RERE: variants seen among roughly 807,000 people sequenced by gnomAD.
The protein encoded by RERE is arginine-glutamic acid dipeptide repeats protein.
In RERE, 40 loss-of-function variants were observed where a neutral mutation model predicts 146.1. That is an observed-to-expected ratio of 0.27 (90% CI 0.21 to 0.36). RERE has a LOEUF of 0.36. Among genes scored for constraint, RERE ranks in the 10% least tolerant of loss-of-function variants. The probability of loss-of-function intolerance (pLI) is 1.00; values close to 1 mark genes in which losing one functional copy is unlikely to be tolerated. For missense variants in RERE, 1,933 were observed against 2,138.7 expected, an observed-to-expected ratio of 0.90 and a Z score of 1.90; for synonymous variants, 1,003 against 866.0, an observed-to-expected ratio of 1.16 and a Z score of -2.78.
At chr1:8,422,355 G>A (rs1643922085) in intron 12 of RERE, among the ~76,000 whole-genome samples, 1 of 152,162 alleles carries the variant, frequency 6.6e-6, no homozygotes, top group South Asian at 2.1e-4. Flanking sequence ...GATGATTTCT[G>A]CCAATTACCA....
intron 10 of RERE, among the ~76,000 whole-genome samples, chr1:8,475,858 G>C (rs946289218): frequency 5.3e-5 from 8 of 152,102 alleles, no homozygotes; most frequent in African/African-American, 1.2e-4. Context: ...ATTTTTATTT[G>C]GCCATTATCA....
intron 11 of RERE, among the ~76,000 whole-genome samples, chr1:8,455,004 AC>A (rs1176902875): frequency 6.6e-6 from 1 of 151,592 alleles, no homozygotes; most frequent in Admixed American, 6.6e-5. Context: ...CCACCAACCC[AC>A]CCCAAAAATG....
Position 8,503,940 on chromosome 1 carries a change from T to TG in RERE, c.879+4686dup, listed in dbSNP as rs1645215445. ...TGAAGCAAATAAGTAATTTTGTTGG[T>TG]GTCATTAAAAAATGGGATTTGAGTC... On this transcript the variant is annotated intron_variant, in intron 8 of 22. Coordinates refer to ENST00000400908, the MANE Select transcript of RERE (RefSeq NM_001042681.2). Among the ~76,000 whole-genome samples the TG allele has an allele frequency of 2.6e-5, 4 of 152,224 alleles. No homozygotes were observed. The South Asian group carries it at 6.2e-4, about 24-fold the overall frequency.
chr1:8,592,952 T>C (rs1646512792), intron 4 of RERE, among the ~76,000 whole-genome samples: 1 of 152,208 alleles, frequency 6.6e-6, no homozygotes, highest in African/African-American at 2.4e-5. Flanking sequence ...GTTTTGGTAT[T>C]CTTCACATGT....
intron 12 of RERE, among the ~76,000 whole-genome samples, chr1:8,404,424 AAAAC>A (rs1435191605): frequency 6.6e-5 from 10 of 151,940 alleles, no homozygotes; most frequent in African/African-American, 1.2e-4. Flanking sequence ...TCTCAAAAAA[AAAAC>A]AAACAAACAA....
chr1:8,368,930 T>C (rs1002460900), intron 12 of RERE, among the ~76,000 whole-genome samples: 2 of 150,846 alleles, frequency 1.3e-5, no homozygotes, highest in African/African-American at 4.9e-5. Flanking sequence ...CTGGGCATGG[T>C]GGTGTGCACC....
intron 12 of RERE, among the ~76,000 whole-genome samples, chr1:8,372,810 G>A (rs1642092805): frequency 6.6e-6 from 1 of 152,184 alleles, no homozygotes; most frequent in Non-Finnish European, 1.5e-5. Context: ...CGTCACATAT[G>A]CCCAGGCTCT....
chr1:8,725,119 TACTC>T (rs1395198149), intron 1 of RERE, among the ~76,000 whole-genome samples: 2 of 152,186 alleles, frequency 1.3e-5, no homozygotes, highest in Non-Finnish European at 1.5e-5. Context: ...GTAAACCTAA[TACTC>T]AATAACAATA....
At chr1:8,601,017 C>CTTTTTTTTTTTT (rs34455445) in intron 4 of RERE, among the ~76,000 whole-genome samples, 1 of 95,072 alleles carries the variant, frequency 1.1e-5, no homozygotes, top group Non-Finnish European at 1.9e-5. Context: ...GTCTCCCAAA[C>CTTTTTTTTTTTT]TTTTTTTTTT....
At chr1:8,553,344 GC>G (rs1196400267) in intron 6 of RERE, among the ~76,000 whole-genome samples, 1 of 151,530 alleles carries the variant, frequency 6.6e-6, no homozygotes, top group East Asian at 1.9e-4. Context: ...GCACCACTAG[GC>G]CAGCACATCC....
intron 1 of RERE, among the ~76,000 whole-genome samples, chr1:8,663,192 G>A (rs1352048594): frequency 6.6e-6 from 1 of 151,890 alleles, no homozygotes; most frequent in African/African-American, 2.4e-5. Context: ...TTTCCTCTTG[G>A]GTCATGTAAA....
At chr1:8,551,083 C>T (rs1435952071) in intron 6 of RERE, among the ~76,000 whole-genome samples, 1 of 152,156 alleles carries the variant, frequency 6.6e-6, no homozygotes, top group Non-Finnish European at 1.5e-5. Context: ...ATAGGAGCCC[C>T]TGGGTAAAAT....
chr1:8,503,131 A>AGAAGACATACATGTGGAC (rs1645203690), intron 8 of RERE, among the ~76,000 whole-genome samples: 1 of 145,648 alleles, frequency 6.9e-6, no homozygotes, highest in African/African-American at 2.5e-5. Flanking sequence ...AATAAATAAA[A>AGAAGACATACATGTGGAC]AAGAATTGAT....
chr1:8,372,135 A>C (rs1376478331), intron 12 of RERE, among the ~76,000 whole-genome samples: 1 of 152,158 alleles, frequency 6.6e-6, no homozygotes, highest in Non-Finnish European at 1.5e-5. Flanking sequence ...AGATTGTTGA[A>C]GAAGAAGGCA....
intron 7 of RERE, chr1:8,525,958 A>G (rs1173720675): frequency 1.7e-5 from 23 of 1,344,288 alleles, no homozygotes; most frequent in Non-Finnish European, 2.1e-5. Flanking sequence ...GAACGCAGAA[A>G]CTTCCCCTCA....
At chr1:8,561,027 T>C (rs148936755) in intron 4 of RERE, among the ~76,000 whole-genome samples, 65 of 152,360 alleles carry the variant, frequency 4.3e-4, no homozygotes, top group Admixed American at 6.5e-4. Context: ...GTACAATGTC[T>C]ATCTTTCAGA....
intron 1 of RERE, among the ~76,000 whole-genome samples, chr1:8,787,333 G>A (rs1237414214): frequency 2.6e-5 from 4 of 152,004 alleles, no homozygotes; most frequent in Non-Finnish European, 5.9e-5. Flanking sequence ...ACTTAAAATG[G>A]TACCATCCGT....
chr1:8,542,269 G>A lies in RERE; in HGVS notation c.726-951C>T, dbSNP rs193239850. On this transcript the variant is annotated intron_variant, in intron 6 of 22. Coordinates refer to ENST00000400908, the MANE Select transcript of RERE (RefSeq NM_001042681.2). ...TACAGTGAGGTTAGATGGAAATGGAGGACCAAAAGTTCCCATTTCATATCA... is the reference window on the plus strand; with the variant it reads ...TACAGTGAGGTTAGATGGAAATGGAAGACCAAAAGTTCCCATTTCATATCA... Among the ~76,000 whole-genome samples the A allele has an allele frequency of 5.9e-5, 9 of 152,246 alleles. No homozygotes were observed. The East Asian group carries it at 1.5e-3, about 26-fold the overall frequency.
At chr1:8,552,787 G>A (rs984947940) in intron 6 of RERE, among the ~76,000 whole-genome samples, 8 of 152,236 alleles carry the variant, frequency 5.3e-5, no homozygotes, top group Admixed American at 3.3e-4. Flanking sequence ...TGCCAAGAGC[G>A]AGGCCGGATC....
Sources: allele counts gnomAD v4.1 joint callset (sites outside exome capture counted in the v4.1 genomes callset), GRCh38; gene constraint gnomAD v4.1.1; transcripts MANE v1.5; gene names NCBI Gene and HGNC (gene_info 2026-07-23, HGNC 2026-07-21).